Variants in SLC13A3 observed in about 807,000 individuals in gnomAD.
SLC13A3 encodes the protein Na(+)/dicarboxylate cotransporter 3.
A neutral mutation model predicts 59.0 loss-of-function variants in SLC13A3; 40 were observed. The ratio of observed to expected loss-of-function variants is 0.68; its 90% confidence interval spans 0.53 to 0.88. SLC13A3 has a LOEUF of 0.88. SLC13A3 is among the 40% of genes least tolerant of loss of function. The probability of loss-of-function intolerance (pLI) is 0.00; values close to 1 mark genes in which losing one functional copy is unlikely to be tolerated. For synonymous variants in SLC13A3, 317 were observed against 330.3 expected (o/e 0.96, Z 0.44); for missense variants, 699 against 783.2 (o/e 0.89, Z 1.28).
At chr20:46,624,540 A>C (rs539421299) in intron 1 of SLC13A3, among the ~76,000 whole-genome samples, 1 of 152,358 alleles carries the variant, frequency 6.6e-6, no homozygotes, top group African/African-American at 2.4e-5. Context: ...GCATTATGCT[A>C]TTACACAAGG....
At chr20:46,641,497 GCAGGT>G (rs1168956599) in intron 1 of SLC13A3, among the ~76,000 whole-genome samples, 2 of 152,180 alleles carry the variant, frequency 1.3e-5, no homozygotes, top group African/African-American at 2.4e-5. Context: ...GATGAAGAGG[GCAGGT>G]GTGCTTGAGA....
At chr20:46,647,558 G>A (rs1013748516) in intron 1 of SLC13A3, among the ~76,000 whole-genome samples, 2 of 152,188 alleles carry the variant, frequency 1.3e-5, no homozygotes, top group Non-Finnish European at 2.9e-5. Flanking sequence ...TTCATAGCAA[G>A]AGCTAGGATC....
chr20:46,608,716 T>A, intron 3 of SLC13A3: 1 of 834,700 alleles, frequency 1.2e-6, no homozygotes, highest in Non-Finnish European at 1.8e-6. Flanking sequence ...ACATTTAAGT[T>A]TTAACAGATA....
intron 1 of SLC13A3, among the ~76,000 whole-genome samples, chr20:46,666,472 TTTGTTGTTGTTGTTGTTG>T (rs11469962): frequency 0.025 from 3,676 of 149,420 alleles, 139 homozygotes; most frequent in African/African-American, 0.084. Context: ...GTTTTGTTGC[TTTGTTGTTGTTGTTGTTG>T]TTGTTGTTGT....
intron 8 of SLC13A3, among the ~76,000 whole-genome samples, chr20:46,587,360 A>AG (rs1281668760): frequency 1.3e-5 from 2 of 151,750 alleles, no homozygotes; most frequent in African/African-American, 4.9e-5. Context: ...CACTGCTCAC[A>AG]GAAAAAAAAC....
upstream of SLC13A3, among the ~76,000 whole-genome samples, chr20:46,672,041 G>C (rs2063095817): frequency 6.6e-6 from 1 of 152,192 alleles, no homozygotes; most frequent in African/African-American, 2.4e-5. Context: ...ATACCATCCA[G>C]AGAGTCAGGG....
At chr20:46,656,207 T>C (rs1439259257), upstream of SLC13A3, among the ~76,000 whole-genome samples, 1 of 143,684 alleles carries the variant, frequency 7.0e-6, no homozygotes, top group East Asian at 2.1e-4. Flanking sequence ...GCACAGTATA[T>C]ATAATACTGT....
At chr20:46,636,082 A>C (rs1407469722) in intron 1 of SLC13A3, among the ~76,000 whole-genome samples, 2 of 152,180 alleles carry the variant, frequency 1.3e-5, no homozygotes, top group African/African-American at 2.4e-5. Context: ...AATAACCACA[A>C]GTATGCTCAG....
At chr20:46,619,048 C>T (rs181069717) in intron 1 of SLC13A3, among the ~76,000 whole-genome samples, 4 of 152,326 alleles carry the variant, frequency 2.6e-5, no homozygotes, top group Admixed American at 2.6e-4. Context: ...CTTCCATGCT[C>T]TTCACTGTTT....
chr20:46,597,638 T>A (rs963535321), intron 4 of SLC13A3, among the ~76,000 whole-genome samples: 17 of 152,284 alleles, frequency 1.1e-4, no homozygotes, highest in African/African-American at 3.8e-4. Context: ...GGTTTCACCA[T>A]GTTGGCCTGG....
chr20:46,624,622 G>A (rs1233863511), intron 1 of SLC13A3, among the ~76,000 whole-genome samples: 1 of 152,158 alleles, frequency 6.6e-6, no homozygotes, highest in East Asian at 1.9e-4. Context: ...CAGCAAAATT[G>A]TTTAGCATAA....
chr20:46,586,143 C>CA (rs1401989464), intron 8 of SLC13A3, among the ~76,000 whole-genome samples: 1 of 152,124 alleles, frequency 6.6e-6, no homozygotes, highest in Admixed American at 6.5e-5. Flanking sequence ...ATATAGCTAC[C>CA]AAAAAATTTA....
At chr20:46,642,757 G>A (rs1000219852) in intron 1 of SLC13A3, among the ~76,000 whole-genome samples, 1 of 152,188 alleles carries the variant, frequency 6.6e-6, no homozygotes, top group Non-Finnish European at 1.5e-5. Flanking sequence ...CCTGTCCCTG[G>A]ATTGCCAACC....
At chr20:46,681,035 T>C (rs1435818345) in intron 1 of SLC13A3, among the ~76,000 whole-genome samples, 2 of 152,198 alleles carry the variant, frequency 1.3e-5, no homozygotes, top group Non-Finnish European at 2.9e-5. Context: ...AGAAGTGGCA[T>C]GTTCTGGCTT....
At chr20:46,639,585 A>C (rs1037180181) in intron 1 of SLC13A3, among the ~76,000 whole-genome samples, 3 of 152,202 alleles carry the variant, frequency 2.0e-5, no homozygotes, top group African/African-American at 7.2e-5. Context: ...CAATCTTCAG[A>C]AAGCCCTCTG....
rs6094379 is a variant in SLC13A3 at position 46,572,974 on chromosome 20, T to C, written c.1332+2599A>G. ...GCAGGAGGCAATAGCATAAGTCAGA[T>C]AGACATGAGTTCAAATCTTACCTCT... On this transcript the variant is annotated intron_variant, in intron 10 of 12. Transcript: ENST00000279027. Among the ~76,000 whole-genome samples, 888 of 152,228 alleles carry C rather than the reference T, an allele frequency of 5.8e-3. 15 individuals are homozygous for C. Among genetic ancestry groups the C allele is most frequent in the African/African-American group, 0.021 (853 of 41,528 alleles).
intron 1 of SLC13A3, among the ~76,000 whole-genome samples, chr20:46,642,714 AC>A (rs2062856560): frequency 6.6e-6 from 1 of 152,050 alleles, no homozygotes; most frequent in South Asian, 2.1e-4. Context: ...TGTCAGCCTG[AC>A]CCCAGAGCTT....
intron 1 of SLC13A3, among the ~76,000 whole-genome samples, chr20:46,637,255 C>A (rs116948884): frequency 0.011 from 1,645 of 151,260 alleles, 14 homozygotes; most frequent in Non-Finnish European, 0.015. Flanking sequence ...AAAGGCCCGG[C>A]CTGTTTCCAA....
chr20:46,604,735 T>A (rs1403812112), intron 3 of SLC13A3, among the ~76,000 whole-genome samples: 1 of 152,138 alleles, frequency 6.6e-6, no homozygotes, highest in Non-Finnish European at 1.5e-5. Context: ...GCCATAGGGA[T>A]GAGGGCCCCT....
Sources: allele counts gnomAD v4.1 joint callset (sites outside exome capture counted in the v4.1 genomes callset), GRCh38; gene constraint gnomAD v4.1.1; transcripts MANE v1.5; gene names NCBI Gene and HGNC (gene_info 2026-07-23, HGNC 2026-07-21).